The following PLG variants were observed in gnomAD, a reference collection of about 807,000 sequenced individuals.
PLG encodes plasminogen.
PLG carries 41 observed loss-of-function variants against 104.4 expected under a neutral mutation model. The observed-to-expected ratio is 0.39, with a 90% CI of 0.31 to 0.51. The LOEUF is 0.51. PLG is among the 20% of genes least tolerant of loss of function. The pLI, the probability that PLG is intolerant of heterozygous loss-of-function variation, is 0.76. For missense variants in PLG, 891 were observed against 1,003.6 expected, an observed-to-expected ratio of 0.89 and a Z score of 1.52; for synonymous variants, 337 against 357.1, an observed-to-expected ratio of 0.94 and a Z score of 0.63.
In PLG at chr6:160,739,612, G is replaced by T. The variant is rs4252159; in HGVS notation, c.2018+404G>T. 1.3e-5 allele frequency among the ~76,000 whole-genome samples: 2 copies of T among 151,480 alleles called. No homozygotes were observed. The highest frequency in any genetic ancestry group is 4.8e-5 in the African/African-American group (2 of 41,258). On this transcript the variant is annotated intron_variant, in intron 16 of 18. Coordinates refer to ENST00000308192, the MANE Select transcript of PLG (RefSeq NM_000301.5). This position sits in a 1 kb window ranked among gnomAD's most constrained non-coding sequence, Gnocchi z 4.4. ...AAAGCACTTTAAAAACCACAAGATC[G>T]AGTTGGGTGTCTGGTGTGGGTGCCT...
intron 3 of PLG, chr6:160,708,230 C>T (rs1367698358): frequency 6.3e-6 from 1 of 159,614 alleles, no homozygotes; most frequent in Non-Finnish European, 1.4e-5. Flanking sequence ...TGTTTTAATC[C>T]TCAGAAACAT....
rs375940839 is a variant in PLG, at chr6:160,706,373, G to A, written c.50-34G>A. 131 of 1,610,928 alleles carry A rather than the reference G, an allele frequency of 8.1e-5. 1 individual carries two copies. In the African/African-American group the frequency reaches 1.1e-3, roughly 13 times the overall value. On this transcript the variant is annotated intron_variant, in intron 1 of 18. Transcript: ENST00000308192. ...AATTAGACATTGACATTGATTTACT[G>A]ACCATTTATTCCACTTGGATCTCCC... is the stretch of plus-strand genomic sequence containing the variant.
At position 160,725,084 on chromosome 6, in the gene PLG, ACG is replaced by A. The variant is rs1226868762; in HGVS notation, c.1256+2518_1256+2519del. Among the ~76,000 whole-genome samples, 16 of 152,174 alleles carry A rather than the reference ACG, an allele frequency of 1.1e-4. No individual in the cohort carries two copies. Among genetic ancestry groups the A allele is most frequent in the African/African-American group, 3.9e-4 (16 of 41,524 alleles). On this transcript the variant is annotated intron_variant, in intron 10 of 18. Coordinates refer to ENST00000308192, the MANE Select transcript of PLG (RefSeq NM_000301.5). The surrounding 1 kb of genome is among the most constrained non-coding windows in gnomAD (Gnocchi z 6.3). ...ACAAAAATTAGCTGGGCATGGTGGC[ACG>A]TGCCTGTAATCCCAGCAACTCAGGA...
Position 160,752,907 on chromosome 6 carries a change from G to A in PLG, c.2279G>A (p.Ser760Asn), listed in dbSNP as rs1412369136. The A allele has an allele frequency of 1.2e-6, 2 of 1,613,656 alleles. No homozygotes were observed. The highest frequency in any genetic ancestry group is 1.7e-6 in the Non-Finnish European group (2 of 1,179,686). ...AGGTDSCQGD[S>N]GGPLVCFEKD... ...TTCTCTCCCTCTGTATAGGGTGACA[G>A]TGGAGGTCCTCTGGTTTGCTTCGAG... Residue 760 changes from serine to asparagine, a missense_variant, in exon 19 of 19, where the codon AGT (serine) becomes AAT (asparagine). Coordinates refer to ENST00000308192, the MANE Select transcript of PLG (RefSeq NM_000301.5). The surrounding 1 kb of genome is among the most constrained non-coding windows in gnomAD (Gnocchi z 4.7).
chr6:160,708,460 T>C (rs1364537651), intron 3 of PLG: 1 of 152,658 alleles, frequency 6.6e-6, no homozygotes. Context: ...TTTTTAGATG[T>C]GCAAATGTTT....
intron 12 of PLG, among the ~76,000 whole-genome samples, chr6:160,733,294 T>C (rs899106180): frequency 6.6e-6 from 1 of 152,136 alleles, no homozygotes; most frequent in Non-Finnish European, 1.5e-5. Flanking sequence ...ACAGGCTTCA[T>C]CGGGTAGGAG....
At position 160,725,848 on chromosome 6, in the gene PLG, C is replaced by T. The variant is rs753551366; in HGVS notation, c.1256+3281C>T. Reference sequence around the variant, plus strand: ...AAGTAATCTACAAGAAATAATACCACGATGAAAAAGTTATTTCTTAAGTAA... The same window carrying T: ...AAGTAATCTACAAGAAATAATACCATGATGAAAAAGTTATTTCTTAAGTAA... On this transcript the variant is annotated intron_variant, in intron 10 of 18. Transcript: ENST00000308192. The surrounding 1 kb of genome is among the most constrained non-coding windows in gnomAD (Gnocchi z 6.3). Among the ~76,000 whole-genome samples, 33 of 151,204 alleles carry T rather than the reference C, an allele frequency of 2.2e-4. No homozygotes were observed. Among genetic ancestry groups the T allele is most frequent in the Non-Finnish European group, 3.8e-4 (26 of 67,974 alleles).
chr6:160,705,379 T>G (rs1398873562), intron 1 of PLG: 1 of 152,160 alleles, frequency 6.6e-6, no homozygotes. Context: ...TCGGACAGAT[T>G]CGTTGTCTCA....
chr6:160,720,488 C>A (rs375424579), intron 9 of PLG, among the ~76,000 whole-genome samples: 1 of 128,386 alleles, frequency 7.8e-6, no homozygotes, highest in East Asian at 2.6e-4. Context: ...GGCGCAATCT[C>A]GGCTCACTGC....
chr6:160,749,571 C>T (rs536183440), intron 17 of PLG, among the ~76,000 whole-genome samples: 2,913 of 149,962 alleles, frequency 0.019, 108 homozygotes, highest in African/African-American at 0.068. Context: ...TATCAACCAT[C>T]ATCACCACCA....
chr6:160,710,750 C>T (rs1262452514), intron 3 of PLG, among the ~76,000 whole-genome samples: 1 of 151,994 alleles, frequency 6.6e-6, no homozygotes, highest in Non-Finnish European at 1.5e-5. Context: ...ATATTGTTTC[C>T]TTGAATATTT....
chr6:160,736,761 G>A lies in PLG; in HGVS notation c.1682-126G>A. 1 of 1,213,724 alleles carries A rather than the reference G, an allele frequency of 8.2e-7. No homozygotes were observed. Among genetic ancestry groups the A allele is most frequent in the Non-Finnish European group, 1.2e-6 (1 of 834,210 alleles). 75.2% of individuals were successfully genotyped at this position (1,213,724 alleles called of 1,614,324 possible). ...ACTTAGAGAAAATGTTCCAAAAGATGATGATTTTACTATTTAGTTCGGCCT... is the reference window on the plus strand; with the variant it reads ...ACTTAGAGAAAATGTTCCAAAAGATAATGATTTTACTATTTAGTTCGGCCT... On this transcript the variant is annotated intron_variant, in intron 13 of 18. Coordinates refer to ENST00000308192, the MANE Select transcript of PLG (RefSeq NM_000301.5). This position sits in a 1 kb window ranked among gnomAD's most constrained non-coding sequence, Gnocchi z 5.2.
At chr6:160,702,200 T>C, upstream of PLG, 1 of 1,265,396 alleles carries the variant, frequency 7.9e-7, no homozygotes, top group South Asian at 1.3e-5. Flanking sequence ...AGAGAATCAT[T>C]AACTTAATTT....
chr6:160,741,564 G>GA lies in PLG; in HGVS notation c.2125+147_2125+148insA. On this transcript the variant is annotated intron_variant, in intron 17 of 18. Transcript: ENST00000308192. The surrounding 1 kb of genome is among the most constrained non-coding windows in gnomAD (Gnocchi z 4.7). ...TGATTTTGCCTGGGCACCTGTCTAT[G>GA]TCTTAATCAGTCTTCAAGGCACATG... 7 of 683,312 alleles carry GA rather than the reference G, an allele frequency of 1.0e-5. No individual in the cohort carries two copies. The highest frequency in any genetic ancestry group is 1.9e-5 in the Non-Finnish European group (7 of 365,916). The allele number at this position is 683,312 out of a possible 1,614,324, so 42.3% of individuals were successfully genotyped here.
At chr6:160,705,768 G>T (rs1283876479) in intron 1 of PLG, 1 of 152,340 alleles carries the variant, frequency 6.6e-6, no homozygotes, top group Non-Finnish European at 1.5e-5. Context: ...TGGCCTCCAA[G>T]TTCCATTTCT....
chr6:160,738,344 TGG>T lies in PLG; in HGVS notation c.1803-192_1803-191del. On this transcript the variant is annotated intron_variant, in intron 14 of 18. Transcript: ENST00000308192. This position sits in a 1 kb window ranked among gnomAD's most constrained non-coding sequence, Gnocchi z 6.8. ...CAAGCATCGGAAAAATTGGCATAGA[TGG>T]GCCCTTCTCAAAAATCCCACTCCTG... is the stretch of plus-strand genomic sequence containing the variant. 1 of 603,668 alleles carries T rather than the reference TGG, an allele frequency of 1.7e-6. No homozygotes were observed. Among genetic ancestry groups the T allele is most frequent in the Non-Finnish European group, 3.1e-6 (1 of 327,780 alleles). 37.4% of individuals were successfully genotyped at this position (603,668 alleles called of 1,614,324 possible). A position where few individuals can be genotyped will look rare whatever the true frequency, so the allele number is the denominator to read the frequency against.
intron 5 of PLG, among the ~76,000 whole-genome samples, chr6:160,714,416 G>A (rs1777696521): frequency 6.6e-6 from 1 of 152,184 alleles, no homozygotes. Context: ...AAATGAAGAT[G>A]CCAAATATTG....
Position 160,738,655 on chromosome 6 carries a change from CT to C in PLG, c.1877+48del. On this transcript the variant is annotated intron_variant, in intron 15 of 18. Transcript: ENST00000308192. This position sits in a 1 kb window ranked among gnomAD's most constrained non-coding sequence, Gnocchi z 6.8. ...TTGACATGAAGTCTTGTCTTAAATACTTTTTCTGTCCTTCTTTTCCTCCTTT... is the reference window on the plus strand; with the variant it reads ...TTGACATGAAGTCTTGTCTTAAATACTTTTCTGTCCTTCTTTTCCTCCTTT... 8.0e-7 allele frequency: 1 copy of C among 1,245,682 alleles called. No individual in the cohort carries two copies. The highest frequency in any genetic ancestry group is 2.3e-5 in the East Asian group (1 of 43,180). 77.2% of individuals were successfully genotyped at this position (1,245,682 alleles called of 1,614,324 possible).
intron 10 of PLG, chr6:160,730,837 G>C (rs891023910): frequency 2.0e-6 from 1 of 510,534 alleles, no homozygotes; most frequent in African/African-American, 1.9e-5. Context: ...TACTACTTTT[G>C]ATTTTTTAAA....
Sources: allele counts gnomAD v4.1 joint callset (sites outside exome capture counted in the v4.1 genomes callset), GRCh38; gene constraint gnomAD v4.1.1; non-coding constraint Gnocchi (gnomAD v3.1); transcripts MANE v1.5; gene names NCBI Gene and HGNC (gene_info 2026-07-23, HGNC 2026-07-21).